Variants in PHF3 observed in about 807,000 individuals in gnomAD.
PHF3 encodes PHD finger protein 3.
A neutral mutation model predicts 178.4 loss-of-function variants in PHF3; 41 were observed. That is an observed-to-expected ratio of 0.23 (90% CI 0.18 to 0.30). The LOEUF is 0.30. Among genes scored for constraint, PHF3 ranks in the 10% least tolerant of loss-of-function variants. The pLI is 1.00. For synonymous variants in PHF3, 842 were observed against 800.5 expected (o/e 1.05, Z -0.88); for missense variants, 2,346 against 2,398.1 (o/e 0.98, Z 0.45).
chr6:63,647,188 C>T (rs1193872121), intron 2 of PHF3, among the ~76,000 whole-genome samples: 1 of 152,038 alleles, frequency 6.6e-6, no homozygotes, highest in Non-Finnish European at 1.5e-5. Context: ...CTTAGGCCTG[C>T]TGGAGTCGGG....
rs1764303116 is a variant in PHF3 at position 63,635,845 on chromosome 6, C to G, written c.-331C>G. On this transcript the variant is annotated 5_prime_UTR_variant, in exon 1 of 16. Coordinates refer to ENST00000262043, the MANE Select transcript of PHF3 (RefSeq NM_001370348.2). ...GGCCCCTCTCCAGCTCCCGCGCCGC[C>G]GCCGCACGCCGATGGCTGCGGGGTC... 2.5e-6 allele frequency: 1 copy of G among 396,350 alleles called. No individual in the cohort carries two copies. The allele number at this position is 396,350 out of a possible 1,614,324, so 24.6% of individuals were successfully genotyped here. A position where few individuals can be genotyped will look rare whatever the true frequency, so the allele number is the denominator to read the frequency against.
intron 1 of PHF3, among the ~76,000 whole-genome samples, chr6:63,638,720 C>T (rs1375924920): frequency 6.6e-6 from 1 of 152,036 alleles, no homozygotes; most frequent in Admixed American, 6.6e-5. Context: ...ACATCTTGGG[C>T]TCTGTTTCTC....
At position 63,691,755 on chromosome 6, in the gene PHF3, G is replaced by A. The variant is rs749143590; in HGVS notation, c.2208G>A (p.Gly736=). The A allele has an allele frequency of 1.9e-6, 3 of 1,607,874 alleles. No individual in the cohort carries two copies. The Admixed American group carries it at 5.0e-5, about 27-fold the overall frequency. ...PHGNRFMVGC[G]RCDDWFHGDC... The stretch of plus-strand genomic sequence containing the variant: ...TTTCCAGGTTTATGGTTGGCTGTGG[G>A]AGATGTGATGACTGGTTTCATGGTG... Residue 736 remains glycine (G), a synonymous_variant, in exon 5 of 16, where the codon GGG becomes GGA. Coordinates refer to ENST00000262043, the MANE Select transcript of PHF3 (RefSeq NM_001370348.2).
intron 2 of PHF3, among the ~76,000 whole-genome samples, chr6:63,658,079 G>C (rs768305961): frequency 1.3e-5 from 2 of 152,176 alleles, no homozygotes; most frequent in Non-Finnish European, 2.9e-5. Context: ...GGGTATTCAA[G>C]TAGGGGAAGA....
At position 63,718,260 on chromosome 6, in the gene PHF3, G is replaced by A. The variant is rs1235219643; in HGVS notation, c.*4552G>A. Reference sequence around the variant, plus strand: ...AAGTTCCAATTTTGTGGAGATTACAGGTAGAAAAGTTATAAAATCTGAACG... The same window carrying A: ...AAGTTCCAATTTTGTGGAGATTACAAGTAGAAAAGTTATAAAATCTGAACG... On this transcript the variant is annotated 3_prime_UTR_variant, in exon 16 of 16. Transcript: ENST00000262043. Among the ~76,000 whole-genome samples, 1 of 151,928 alleles carries A rather than the reference G, an allele frequency of 6.6e-6. No homozygotes were observed. The highest frequency in any genetic ancestry group is 1.5e-5 in the Non-Finnish European group (1 of 67,924).
chr6:63,642,355 T>G (rs1407873773), intron 1 of PHF3, among the ~76,000 whole-genome samples: 1 of 152,220 alleles, frequency 6.6e-6, no homozygotes, highest in Non-Finnish European at 1.5e-5. Flanking sequence ...CATTTTGTTG[T>G]GATGTTTATA....
At chr6:63,708,958 T>G (rs1401023165) in intron 13 of PHF3, among the ~76,000 whole-genome samples, 193 bp from the exon 14 acceptor site, 2 of 152,216 alleles carry the variant, frequency 1.3e-5, no homozygotes, top group Admixed American at 1.3e-4. Context: ...AACAGTCATT[T>G]GTAGTTGGCA....
intron 2 of PHF3, among the ~76,000 whole-genome samples, chr6:63,663,414 G>GT (rs1765551041): frequency 6.6e-6 from 1 of 152,024 alleles, no homozygotes; most frequent in African/African-American, 2.4e-5. Flanking sequence ...GCAGATCCTT[G>GT]TTTTTTTAGA....
At chr6:63,709,328 C>T (rs1767826622) in intron 14 of PHF3, 88 bp downstream of exon 14, 1 of 882,004 alleles carries the variant, frequency 1.1e-6, no homozygotes, top group African/African-American at 1.7e-5. Flanking sequence ...TGCAAAGTCT[C>T]CTGGGGAAAG....
rs758170728 is a variant in PHF3 at position 63,703,668 on chromosome 6, A to G, written c.3364A>G (p.Ile1122Val). Residue 1122 changes from isoleucine (I) to valine (V), a missense_variant, in exon 11 of 16, where the codon ATA becomes GTA. By Grantham distance (29) the Ile-to-Val change is conservative. Transcript: ENST00000262043. ...HLFDLNCKICIGRMAPPVDDL... is the reference protein window; with the variant it reads ...HLFDLNCKICVGRMAPPVDDL... ...TTTTGATCTCAACTGCAAAATCTGC[A>G]TAGGTAATTGGAAGTTTTTCTTCGT... is the stretch of plus-strand genomic sequence containing the variant. The G allele has an allele frequency of 1.3e-5, 20 of 1,596,560 alleles. No individual in the cohort carries two copies. The highest frequency in any genetic ancestry group is 2.3e-5 in the South Asian group (2 of 86,872).
chr6:63,666,933 G>A (rs1365948853), intron 2 of PHF3, among the ~76,000 whole-genome samples: 1 of 152,002 alleles, frequency 6.6e-6, no homozygotes, highest in African/African-American at 2.4e-5. Flanking sequence ...TGTATTTTTA[G>A]TAGAGACAGC....
chr6:63,666,389 A>AT (rs1765682769), intron 2 of PHF3, among the ~76,000 whole-genome samples: 1 of 151,934 alleles, frequency 6.6e-6, no homozygotes, highest in African/African-American at 2.4e-5. Context: ...ACATATATAT[A>AT]TGTGGCATAA....
chr6:63,723,480 G>C lies in PHF3; in HGVS notation c.*9772G>C, dbSNP rs1431498215. Among the ~76,000 whole-genome samples the C allele has an allele frequency of 1.3e-5, 2 of 152,070 alleles. No homozygotes were observed. Among genetic ancestry groups the C allele is most frequent in the Non-Finnish European group, 2.9e-5 (2 of 68,020 alleles). ...GCTCCTTGTGTTGTAGAGTGTTCCT[G>C]TAGTAAACAATTTTATAGTGAAGAG... On this transcript the variant is annotated 3_prime_UTR_variant, in exon 16 of 16. Coordinates refer to ENST00000262043, the MANE Select transcript of PHF3 (RefSeq NM_001370348.2).
At chr6:63,656,636 C>T (rs534701351) in intron 2 of PHF3, among the ~76,000 whole-genome samples, 25 of 152,306 alleles carry the variant, frequency 1.6e-4, no homozygotes, top group African/African-American at 6.0e-4. Context: ...TATACATCTT[C>T]TGTCTCTGAG....
In PHF3 at chr6:63,660,753, T is replaced by G. The variant is rs543242744; in HGVS notation, c.244+13958T>G. Among the ~76,000 whole-genome samples the G allele has an allele frequency of 7.9e-5, 12 of 152,246 alleles. No homozygotes were observed. The East Asian group carries it at 1.7e-3, about 22-fold the overall frequency. ...CTGGACCATTTCTCAGGGTCATAAT[T>G]GCAGCAAGCAGCATTGAAGGATGAC... is the stretch of plus-strand genomic sequence containing the variant. On this transcript the variant is annotated intron_variant, in intron 2 of 15. Transcript: ENST00000262043.
chr6:63,665,477 T>G (rs144921516), intron 2 of PHF3, among the ~76,000 whole-genome samples: 1,696 of 125,576 alleles, frequency 0.014, 27 homozygotes, highest in African/African-American at 0.056. Flanking sequence ...CGCTTTGTGG[T>G]TTTTTTTTGT....
rs2179988 is a variant in PHF3, at chr6:63,704,637, T to C, written c.3367+966T>C. 5.9e-3 allele frequency among the ~76,000 whole-genome samples: 900 copies of C among 152,188 alleles called. 5 individuals carry two copies. Among genetic ancestry groups the C allele is most frequent in the Non-Finnish European group, 9.2e-3 (624 of 68,012 alleles). On this transcript the variant is annotated intron_variant, in intron 11 of 15. Coordinates refer to ENST00000262043, the MANE Select transcript of PHF3 (RefSeq NM_001370348.2). ...ATTGTCTGGATGTATAGTTTTTCCA[T>C]TCACTTAATGTAGGAGATCTTGTTT...
chr6:63,687,770 G>A (rs1393823663), intron 4 of PHF3, among the ~76,000 whole-genome samples: 1 of 152,142 alleles, frequency 6.6e-6, no homozygotes, highest in Admixed American at 6.5e-5. Context: ...TAAATTAAGA[G>A]TAGGTGTTAG....
In PHF3 at chr6:63,725,106, A is replaced by G. The variant is rs568182720; in HGVS notation, c.*11398A>G. On this transcript the variant is annotated 3_prime_UTR_variant, in exon 16 of 16. Transcript: ENST00000262043. Reference sequence around the variant, plus strand: ...CTAGGTTTAAGCATGTAGAACTTATATTTTTAATATTTAAAAATTTTCATG... The same window carrying G: ...CTAGGTTTAAGCATGTAGAACTTATGTTTTTAATATTTAAAAATTTTCATG... Among the ~76,000 whole-genome samples, 156 of 152,288 alleles carry G rather than the reference A, an allele frequency of 1.0e-3. 1 individual carries two copies. The highest frequency in any genetic ancestry group is 3.4e-3 in the African/African-American group (142 of 41,600).
Sources: gnomAD v4.1 joint callset for allele counts (sites outside exome capture counted in the v4.1 genomes callset) on GRCh38, gnomAD v4.1.1 for gene constraint, MANE v1.5 for transcripts, NCBI Gene and HGNC (gene_info 2026-07-23, HGNC 2026-07-21) for gene names.